SLC7A14: variants seen among roughly 807,000 people sequenced by gnomAD.
The protein encoded by SLC7A14 is gamma-aminobutyric acid transporter SLC7A14.
A neutral mutation model predicts 60.2 loss-of-function variants in SLC7A14; 37 were observed. The observed-to-expected ratio is 0.61, with a 90% CI of 0.47 to 0.81. SLC7A14 has a LOEUF of 0.81. SLC7A14 is among the 30% of genes least tolerant of loss of function. The pLI is 0.00. For synonymous variants in SLC7A14, 399 were observed against 395.8 expected, an observed-to-expected ratio of 1.01 and a Z score of -0.10; for missense variants, 886 against 982.7, an observed-to-expected ratio of 0.90 and a Z score of 1.32.
chr3:170,520,867 T>A (rs1427441052), intron 2 of SLC7A14, among the ~76,000 whole-genome samples: 1 of 152,234 alleles, frequency 6.6e-6, no homozygotes, highest in African/African-American at 2.4e-5. Flanking sequence ...TGGCTGGATG[T>A]CACTGGCACG....
intron 1 of SLC7A14, among the ~76,000 whole-genome samples, chr3:170,528,244 G>A (rs1178320893): frequency 6.6e-6 from 1 of 152,106 alleles, no homozygotes; most frequent in African/African-American, 2.4e-5. Context: ...TATAAAAAGG[G>A]GTGTTGGATC....
chr3:170,498,770 A>G lies in SLC7A14; in HGVS notation c.656T>C (p.Val219Ala). Reference protein sequence around the residue: ...NSIGFNNVLNVLNLAVWVFIM... With the variant: ...NSIGFNNVLNALNLAVWVFIM... ...GAACACCCATACTGCCAGGTTCAGC[A>G]CATTGAGAACATTGTTGAAGCCTAT... Residue 219 changes from valine (V) to alanine (A), a missense_variant, in exon 4 of 8, where the codon GTG (valine) becomes GCG (alanine). Transcript: ENST00000231706. 2 of 1,614,228 alleles carry G rather than the reference A, an allele frequency of 1.2e-6. No individual in the cohort carries two copies. The highest frequency in any genetic ancestry group is 2.2e-5 in the South Asian group (2 of 91,086).
intron 2 of SLC7A14, among the ~76,000 whole-genome samples, chr3:170,507,462 A>G (rs910076130): frequency 6.6e-6 from 1 of 152,148 alleles, no homozygotes. Flanking sequence ...GTTGCTGTGG[A>G]AGCCCGGAGA....
rs114454778 is a variant in SLC7A14, at chr3:170,532,325, C to G, written c.-152-5237G>C. Among the ~76,000 whole-genome samples, 166 of 152,322 alleles carry G rather than the reference C, an allele frequency of 1.1e-3. 1 individual carries two copies. Among genetic ancestry groups the G allele is most frequent in the Non-Finnish European group, 1.8e-3 (122 of 68,024 alleles). ...TGGGATCTGAGGACCCTTCTGAGGT[C>G]TCTGCCCACTCCCGCATCCAGGTCT... On this transcript the variant is annotated intron_variant, in intron 1 of 7. Transcript: ENST00000231706. This position sits in a 1 kb window ranked among gnomAD's most constrained non-coding sequence, Gnocchi z 4.0.
Position 170,556,271 on chromosome 3 carries a change from A to T in SLC7A14, c.-152-29183T>A, listed in dbSNP as rs534313648. Among the ~76,000 whole-genome samples, 301 of 152,316 alleles carry T rather than the reference A, an allele frequency of 2.0e-3. 1 individual carries two copies. Among genetic ancestry groups the T allele is most frequent in the African/African-American group, 6.6e-3 (275 of 41,570 alleles). On this transcript the variant is annotated intron_variant, in intron 1 of 7. Coordinates refer to ENST00000231706, the MANE Select transcript of SLC7A14 (RefSeq NM_020949.3). Reference sequence around the variant, plus strand: ...GATCCCAGCCCATTTCTTATATGGCAAATTCATTTTCTGTGGGGCTTATAA... The same window carrying T: ...GATCCCAGCCCATTTCTTATATGGCTAATTCATTTTCTGTGGGGCTTATAA...
At chr3:170,566,575 C>G (rs954115360) in intron 1 of SLC7A14, among the ~76,000 whole-genome samples, 33 of 152,180 alleles carry the variant, frequency 2.2e-4, no homozygotes, top group African/African-American at 6.5e-4. Context: ...CCTGCCACAT[C>G]CATCCCACTC....
chr3:170,578,807 T>C (rs1339468615), intron 1 of SLC7A14, among the ~76,000 whole-genome samples: 1 of 152,232 alleles, frequency 6.6e-6, no homozygotes, highest in African/African-American at 2.4e-5. Context: ...AACCATAGAA[T>C]GTTATGGCTT....
At chr3:170,494,234 T>G (rs777914691) in intron 4 of SLC7A14, among the ~76,000 whole-genome samples, 1 of 152,248 alleles carries the variant, frequency 6.6e-6, no homozygotes, top group Non-Finnish European at 1.5e-5. Context: ...CTGTACTTAT[T>G]TTGCAGGGCT....
At chr3:170,489,565 T>C (rs75962143) in intron 4 of SLC7A14, among the ~76,000 whole-genome samples, 1 of 152,246 alleles carries the variant, frequency 6.6e-6, no homozygotes, top group African/African-American at 2.4e-5. Context: ...GGCTACCATA[T>C]GTTCCAGCAA....
chr3:170,501,411 ATC>A (rs2108280868), intron 2 of SLC7A14, 66 bp from the exon 3 acceptor site: 5 of 1,342,630 alleles, frequency 3.7e-6, no homozygotes, highest in Non-Finnish European at 5.3e-6. Context: ...GTGGCCAACA[ATC>A]TTGGGTGGAA....
intron 1 of SLC7A14, among the ~76,000 whole-genome samples, chr3:170,527,674 T>C (rs1713554087): frequency 6.6e-6 from 1 of 152,064 alleles, no homozygotes; most frequent in African/African-American, 2.4e-5. Context: ...AAATAAAAAA[T>C]GTTTTGGGAA....
At chr3:170,509,903 A>G (rs1200709855) in intron 2 of SLC7A14, among the ~76,000 whole-genome samples, 3 of 151,578 alleles carry the variant, frequency 2.0e-5, no homozygotes, top group African/African-American at 7.3e-5. Flanking sequence ...ACATGGCAAA[A>G]CCCTGTCTCT....
At chr3:170,541,034 C>T (rs1028132947) in intron 1 of SLC7A14, among the ~76,000 whole-genome samples, 4 of 152,120 alleles carry the variant, frequency 2.6e-5, no homozygotes, top group African/African-American at 9.7e-5. Context: ...AATAAAAGTA[C>T]TCTTTGCTAG....
Position 170,467,232 on chromosome 3 carries a change from C to A in SLC7A14, c.2139G>T (p.Glu713Asp). ...SVEEGFSYAT[E>D]GESQEDWGGP... is the part of the protein sequence containing the mutation. ...CGCCCCAGTCCTCCTGGCTCTCGCC[C>A]TCTGTGGCGTAGGAGAAACCCTCCT... Residue 713 changes from glutamate to aspartate, a missense_variant, in exon 8 of 8, where the codon GAG becomes GAT. By Grantham distance (45) the Glu-to-Asp change is conservative. Transcript: ENST00000231706. 2 of 1,614,278 alleles carry A rather than the reference C, an allele frequency of 1.2e-6. No homozygotes were observed. The highest frequency in any genetic ancestry group is 2.2e-5 in the South Asian group (2 of 91,090).
At chr3:170,582,203 T>C (rs1715255703) in intron 1 of SLC7A14, among the ~76,000 whole-genome samples, 1 of 152,188 alleles carries the variant, frequency 6.6e-6, no homozygotes, top group Admixed American at 6.5e-5. Flanking sequence ...CTTTCTTTCT[T>C]GGCAGAAGAT....
Position 170,464,423 on chromosome 3 carries a change from A to G in SLC7A14, c.*2632T>C, listed in dbSNP as rs1396138419. On this transcript the variant is annotated 3_prime_UTR_variant, in exon 8 of 8. Transcript: ENST00000231706. ...TCGTTTAGAAACCTGTTAAGAAAAT[A>G]GTAATATTGTCATTGTAGTGATTGA... 6.6e-6 allele frequency: 1 copy of G among 152,258 alleles called. No individual in the cohort carries two copies. Among genetic ancestry groups the G allele is most frequent in the Non-Finnish European group, 1.5e-5 (1 of 68,038 alleles). The allele number at this position is 152,258 out of a possible 1,614,324, so 9.4% of individuals were successfully genotyped here.
chr3:170,514,847 G>A (rs928840670), intron 2 of SLC7A14, among the ~76,000 whole-genome samples: 1 of 152,146 alleles, frequency 6.6e-6, no homozygotes, highest in Admixed American at 6.5e-5. Context: ...ACATTACTGA[G>A]CATTTACTAT....
At chr3:170,541,868 A>G (rs1714027183) in intron 1 of SLC7A14, among the ~76,000 whole-genome samples, 1 of 152,234 alleles carries the variant, frequency 6.6e-6, no homozygotes, top group African/African-American at 2.4e-5. Context: ...CTTTAAAATC[A>G]GAAAAGAATT....
intron 4 of SLC7A14, among the ~76,000 whole-genome samples, chr3:170,492,688 G>T (rs1200363449): frequency 6.6e-6 from 1 of 152,142 alleles, no homozygotes; most frequent in Non-Finnish European, 1.5e-5. Flanking sequence ...CAAAAGCAAT[G>T]TCATTAGTGG....
Sources: gnomAD v4.1 joint callset for allele counts (sites outside exome capture counted in the v4.1 genomes callset) on GRCh38, gnomAD v4.1.1 for gene constraint, Gnocchi (gnomAD v3.1) non-coding constraint, MANE v1.5 for transcripts, NCBI Gene and HGNC (gene_info 2026-07-23, HGNC 2026-07-21) for gene names.